The following NRXN1 variants were observed in gnomAD, a reference collection of about 807,000 sequenced individuals.
NRXN1 encodes neurexin 1, also known as neurexin-1.
In NRXN1, 39 loss-of-function variants were observed where a neutral mutation model predicts 150.9. The observed-to-expected ratio is 0.26, with a 90% confidence interval of 0.20 to 0.34. The LOEUF (loss-of-function observed/expected upper bound fraction) is 0.34, where lower values mean the gene tolerates loss of function less well. Ranked by LOEUF, NRXN1 falls within the 10% of genes least tolerant of loss-of-function variation. The probability of loss-of-function intolerance (pLI) is 1.00; values close to 1 mark genes in which losing one functional copy is unlikely to be tolerated. For missense variants in NRXN1, 1,815 were observed against 1,949.9 expected (o/e 0.93, Z 1.30); for synonymous variants, 924 against 757.0 (o/e 1.22, Z -3.62).
At position 50,281,316 on chromosome 2, in the gene NRXN1, C is replaced by CACAAAAAAAAACAAACAAACAAAAAAA. The variant is rs1187135501; in HGVS notation, c.3365-44347_3365-44346insTTTTTTTGTTTGTTTGTTTTTTTTTGT. ...TCGGTGACAGAGCAAGACTCCGTCT[C>CACAAAAAAAAACAAACAAACAAAAAAA]AAAAACAATAATAATAATAATAATC... is the stretch of plus-strand genomic sequence containing the variant. On this transcript the variant is annotated intron_variant, in intron 17 of 22. Transcript: ENST00000401669. Among the ~76,000 whole-genome samples, 38 of 124,708 alleles carry CACAAAAAAAAACAAACAAACAAAAAAA rather than the reference C, an allele frequency of 3.0e-4. 2 individuals carry two copies. The highest frequency in any genetic ancestry group is 1.1e-3 in the African/African-American group (37 of 35,094). The allele number at this position is 124,708 out of a possible 152,430, so 81.8% of individuals were successfully genotyped here. A position where few individuals can be genotyped will look rare whatever the true frequency, so the allele number is the denominator to read the frequency against.
At chr2:50,534,280 C>A (rs2105229761) in intron 10 of NRXN1, among the ~76,000 whole-genome samples, 1 of 152,144 alleles carries the variant, frequency 6.6e-6, no homozygotes, top group Non-Finnish European at 1.5e-5. Context: ...CTTTGAAGGC[C>A]AAAATTGGGC....
chr2:50,086,114 T>C (rs1007776673), intron 19 of NRXN1, among the ~76,000 whole-genome samples: 2 of 152,164 alleles, frequency 1.3e-5, no homozygotes, highest in African/African-American at 2.4e-5. Context: ...TCAAATGTAA[T>C]GATCATGTAA....
chr2:50,727,303 T>A (rs1381800051), intron 5 of NRXN1, among the ~76,000 whole-genome samples: 1 of 152,184 alleles, frequency 6.6e-6, no homozygotes, highest in Non-Finnish European at 1.5e-5. Flanking sequence ...AGTTACAACA[T>A]ACATGCTTTG....
rs575025000 is a variant in NRXN1 at position 50,178,366 on chromosome 2, T to C, written c.3546+58423A>G. 4.6e-5 allele frequency among the ~76,000 whole-genome samples: 7 copies of C among 152,120 alleles called. No individual in the cohort carries two copies. The East Asian group carries it at 1.2e-3, about 25-fold the overall frequency. ...GGGTTGACTTAGAACTTGTCCTTGGTATCTCACTGGCTGTTAAGAGGACAG... is the reference window on the plus strand; with the variant it reads ...GGGTTGACTTAGAACTTGTCCTTGGCATCTCACTGGCTGTTAAGAGGACAG... On this transcript the variant is annotated intron_variant, in intron 18 of 22. Coordinates refer to ENST00000401669, the MANE Select transcript of NRXN1 (RefSeq NM_001330078.2).
intron 17 of NRXN1, among the ~76,000 whole-genome samples, chr2:50,398,280 C>T (rs1419977895): frequency 6.6e-6 from 1 of 152,084 alleles, no homozygotes; most frequent in African/African-American, 2.4e-5. Context: ...AAATTTCTCC[C>T]TCTACTAAAG....
intron 2 of NRXN1, among the ~76,000 whole-genome samples, chr2:51,015,192 A>T (rs1311073331): frequency 6.6e-6 from 1 of 151,530 alleles, no homozygotes; most frequent in Non-Finnish European, 1.5e-5. Flanking sequence ...TCTCTCTCTC[A>T]ATTTACTTTA....
intron 21 of NRXN1, among the ~76,000 whole-genome samples, chr2:50,024,757 G>A (rs1189915167): frequency 6.6e-6 from 1 of 152,004 alleles, no homozygotes; most frequent in African/African-American, 2.4e-5. Flanking sequence ...TGATATTACA[G>A]GTGCACACCA....
At chr2:50,738,929 G>C (rs1307231710) in intron 5 of NRXN1, among the ~76,000 whole-genome samples, 2 of 152,142 alleles carry the variant, frequency 1.3e-5, no homozygotes, top group Non-Finnish European at 2.9e-5. Context: ...ATTGTCACCA[G>C]ATCCATCCTG....
At chr2:50,735,635 T>C (rs927226657) in intron 5 of NRXN1, among the ~76,000 whole-genome samples, 24 of 152,124 alleles carry the variant, frequency 1.6e-4, no homozygotes, top group South Asian at 4.1e-4. Flanking sequence ...AAAATAAATA[T>C]CCTATTGTAA....
At chr2:50,579,903 T>C (rs991128730) in intron 8 of NRXN1, among the ~76,000 whole-genome samples, 1 of 152,176 alleles carries the variant, frequency 6.6e-6, no homozygotes, top group African/African-American at 2.4e-5. Context: ...ACTAAAGTTA[T>C]CATGAAAGGG....
chr2:50,811,359 T>C (rs577705225), intron 5 of NRXN1, among the ~76,000 whole-genome samples: 1 of 152,188 alleles, frequency 6.6e-6, no homozygotes, highest in East Asian at 1.9e-4. Flanking sequence ...GGTAAACATA[T>C]CTTCTAGACC....
chr2:50,795,426 C>T (rs1253019203), intron 5 of NRXN1, among the ~76,000 whole-genome samples: 1 of 152,094 alleles, frequency 6.6e-6, no homozygotes, highest in Non-Finnish European at 1.5e-5. Context: ...CCTCTGTGCT[C>T]ATCAGTTAAA....
chr2:50,916,570 G>A (rs545996008), intron 5 of NRXN1, among the ~76,000 whole-genome samples: 3 of 151,646 alleles, frequency 2.0e-5, no homozygotes, highest in Admixed American at 1.3e-4. Flanking sequence ...CCTCCATTAT[G>A]TCATAATTTG....
intron 18 of NRXN1, among the ~76,000 whole-genome samples, chr2:50,115,039 T>G (rs1272910001): frequency 6.6e-6 from 1 of 151,814 alleles, no homozygotes; most frequent in Non-Finnish European, 1.5e-5. Flanking sequence ...CCAATGTAGG[T>G]TCATCGATTA....
At chr2:50,207,442 T>C (rs1234242509) in intron 18 of NRXN1, 1 of 152,078 alleles carries the variant, frequency 6.6e-6, no homozygotes, top group African/African-American at 2.4e-5. Flanking sequence ...TTATGCCTTA[T>C]TATAGTAACT....
At chr2:50,583,630 T>C (rs958543863) in intron 8 of NRXN1, among the ~76,000 whole-genome samples, 2 of 152,136 alleles carry the variant, frequency 1.3e-5, no homozygotes, top group African/African-American at 2.4e-5. Flanking sequence ...ACTGAGTAAA[T>C]AGCCAAGATT....
intron 22 of NRXN1, among the ~76,000 whole-genome samples, chr2:49,924,436 G>C (rs372684932): frequency 6.6e-6 from 1 of 151,986 alleles, no homozygotes; most frequent in South Asian, 2.1e-4. Context: ...AATTGATATC[G>C]TAAATGGACT....
At chr2:50,877,251 T>C (rs1363086955) in intron 5 of NRXN1, among the ~76,000 whole-genome samples, 2 of 151,694 alleles carry the variant, frequency 1.3e-5, no homozygotes, top group East Asian at 1.9e-4. Flanking sequence ...ACACACAGTT[T>C]GCAGTTTATT....
chr2:50,824,835 T>G (rs1470181528), intron 5 of NRXN1, among the ~76,000 whole-genome samples: 2 of 152,152 alleles, frequency 1.3e-5, no homozygotes. Context: ...CAGCTTTTCA[T>G]TAGTAAGATG....
Sources: allele counts gnomAD v4.1 joint callset (sites outside exome capture counted in the v4.1 genomes callset), GRCh38; gene constraint gnomAD v4.1.1; transcripts MANE v1.5; gene names NCBI Gene and HGNC (gene_info 2026-07-23, HGNC 2026-07-21).